The following SCAPER variants were observed in gnomAD, a reference collection of about 807,000 sequenced individuals.
SCAPER encodes S-phase cyclin A associated protein in the ER, also known as S phase cyclin A-associated protein in the endoplasmic reticulum.
A neutral mutation model predicts 182.2 loss-of-function variants in SCAPER; 98 were observed. That is an observed-to-expected ratio of 0.54 (90% CI 0.46 to 0.64). The LOEUF (loss-of-function observed/expected upper bound fraction) is 0.64. Among genes scored for constraint, SCAPER ranks in the 30% least tolerant of loss-of-function variants. The pLI is 0.00. For synonymous variants in SCAPER, 605 were observed against 564.6 expected (o/e 1.07, Z -1.01); for missense variants, 1,432 against 1,690.0 (o/e 0.85, Z 2.68).
At chr15:76,438,647 C>T (rs2047359264) in intron 25 of SCAPER, among the ~76,000 whole-genome samples, 1 of 152,174 alleles carries the variant, frequency 6.6e-6, no homozygotes, top group Non-Finnish European at 1.5e-5. Context: ...AGGCAAATCT[C>T]CCTTGTCAGG....
chr15:76,426,892 TAA>T (rs1260604276), intron 26 of SCAPER, among the ~76,000 whole-genome samples: 4 of 152,026 alleles, frequency 2.6e-5, no homozygotes, highest in Non-Finnish European at 5.9e-5. Flanking sequence ...TGGAACAAAA[TAA>T]AGAGTCCAGA....
At chr15:76,705,217 TA>T (rs200308130) in intron 18 of SCAPER, among the ~76,000 whole-genome samples, 4 of 151,492 alleles carry the variant, frequency 2.6e-5, no homozygotes, top group African/African-American at 7.3e-5. Context: ...TATGCAGCCA[TA>T]AAAAAAATGA....
chr15:76,714,789 C>T (rs772861822), intron 17 of SCAPER, among the ~76,000 whole-genome samples: 25 of 152,102 alleles, frequency 1.6e-4, no homozygotes, highest in Non-Finnish European at 3.2e-4. Flanking sequence ...TAGTTAACCA[C>T]ATCCAACAAT....
chr15:76,684,167 C>A (rs2057896187), intron 20 of SCAPER, among the ~76,000 whole-genome samples: 2 of 151,948 alleles, frequency 1.3e-5, no homozygotes, highest in South Asian at 4.2e-4. Flanking sequence ...ATCAAGTCTG[C>A]ATAATAACCA....
rs35944222 is a variant in SCAPER at position 76,524,689 on chromosome 15, G to GTTTTTTTTTTTT, written c.2839-19727_2839-19716dup. On this transcript the variant is annotated intron_variant, in intron 23 of 31. Transcript: ENST00000563290. ...TTCTGGAGTTGTGTTTTTTTGTTCT[G>GTTTTTTTTTTTT]TTTTTTTTTTTTTTTTTTTTTTTTT... Among the ~76,000 whole-genome samples, 103 of 50,112 alleles carry GTTTTTTTTTTTT rather than the reference G, an allele frequency of 2.1e-3. 1 individual carries two copies. Among genetic ancestry groups the GTTTTTTTTTTTT allele is most frequent in the Non-Finnish European group, 2.3e-3 (66 of 28,376 alleles). 32.9% of individuals were successfully genotyped at this position (50,112 alleles called of 152,430 possible). A position where few individuals can be genotyped will look rare whatever the true frequency, so the allele number is the denominator to read the frequency against.
At chr15:76,759,180 A>G (rs986661119) in intron 14 of SCAPER, among the ~76,000 whole-genome samples, 8 of 152,212 alleles carry the variant, frequency 5.3e-5, no homozygotes, top group African/African-American at 1.9e-4. Flanking sequence ...GTTTTTCCCA[A>G]TTATGATGTT....
At chr15:76,414,389 T>G (rs542982474) in intron 26 of SCAPER, among the ~76,000 whole-genome samples, 1 of 151,874 alleles carries the variant, frequency 6.6e-6, no homozygotes, top group African/African-American at 2.4e-5. Flanking sequence ...AAAAGTGCAA[T>G]GAGAACTACA....
At chr15:76,668,410 T>C (rs1196176460) in intron 20 of SCAPER, among the ~76,000 whole-genome samples, 4 of 152,228 alleles carry the variant, frequency 2.6e-5, no homozygotes, top group Admixed American at 6.5e-5. Flanking sequence ...TTTCTCACCA[T>C]GACCTACAAG....
At chr15:76,652,760 A>G (rs2055283534) in intron 21 of SCAPER, among the ~76,000 whole-genome samples, 1 of 151,854 alleles carries the variant, frequency 6.6e-6, no homozygotes, top group Non-Finnish European at 1.5e-5. Context: ...ATAAACCCAC[A>G]GCCAACATCA....
intron 28 of SCAPER, among the ~76,000 whole-genome samples, chr15:76,377,239 C>A (rs2078437): frequency 1.3e-5 from 2 of 152,064 alleles, no homozygotes; most frequent in African/African-American, 4.8e-5. Context: ...GCCATTTTAG[C>A]GAGCATTCCT....
intron 23 of SCAPER, among the ~76,000 whole-genome samples, chr15:76,570,359 A>G (rs2145307950): frequency 6.6e-6 from 1 of 152,274 alleles, no homozygotes; most frequent in South Asian, 2.1e-4. Flanking sequence ...CAGTCTCAAA[A>G]GTACTAATCA....
intron 5 of SCAPER, among the ~76,000 whole-genome samples, chr15:76,806,802 A>G (rs529873900): frequency 1.3e-5 from 2 of 152,098 alleles, no homozygotes; most frequent in African/African-American, 2.4e-5. Flanking sequence ...ATGCCTAAAT[A>G]TTTTATTGTT....
intron 27 of SCAPER, among the ~76,000 whole-genome samples, chr15:76,402,829 T>C (rs1267152090): frequency 2.0e-5 from 3 of 151,932 alleles, no homozygotes; most frequent in Non-Finnish European, 4.4e-5. Context: ...AAGCTAGAAA[T>C]CTCAGGACCT....
chr15:76,428,025 G>A (rs2046561904), intron 26 of SCAPER, among the ~76,000 whole-genome samples: 1 of 152,042 alleles, frequency 6.6e-6, no homozygotes, highest in Non-Finnish European at 1.5e-5. Context: ...GCTTGACCCT[G>A]GGGGGTTGAG....
chr15:76,778,149 A>G (rs557412666), intron 8 of SCAPER, among the ~76,000 whole-genome samples: 2 of 152,322 alleles, frequency 1.3e-5, no homozygotes, highest in South Asian at 2.1e-4. Flanking sequence ...ACTCATATGT[A>G]TAATTATCCT....
intron 15 of SCAPER, among the ~76,000 whole-genome samples, chr15:76,741,650 T>C (rs2061545828): frequency 6.6e-6 from 1 of 151,992 alleles, no homozygotes. Flanking sequence ...TCAGAAAAAA[T>C]CAGCCTATCT....
intron 23 of SCAPER, among the ~76,000 whole-genome samples, chr15:76,514,959 C>T (rs142511094): frequency 4.2e-4 from 64 of 152,276 alleles, no homozygotes; most frequent in African/African-American, 1.4e-3. Context: ...TTCCTATAAT[C>T]TACATAAATA....
intron 5 of SCAPER, among the ~76,000 whole-genome samples, chr15:76,816,477 G>A (rs1177674820): frequency 6.6e-6 from 1 of 152,062 alleles, no homozygotes; most frequent in East Asian, 1.9e-4. Context: ...AGGTCTTCAA[G>A]AGCAAGAAAA....
chr15:76,410,386 T>C (rs1233419483), intron 26 of SCAPER, among the ~76,000 whole-genome samples: 1 of 152,240 alleles, frequency 6.6e-6, no homozygotes, highest in Non-Finnish European at 1.5e-5. Flanking sequence ...AATTTCTACA[T>C]TACTATGATT....
Sources: allele counts gnomAD v4.1 joint callset (sites outside exome capture counted in the v4.1 genomes callset), GRCh38; gene constraint gnomAD v4.1.1; transcripts MANE v1.5; gene names NCBI Gene and HGNC (gene_info 2026-07-23, HGNC 2026-07-21).